HDAC4: variants seen among roughly 807,000 people sequenced by gnomAD.
The protein encoded by HDAC4 is histone deacetylase A.
HDAC4 carries 16 observed loss-of-function variants against 135.1 expected under a neutral mutation model. That is an observed-to-expected ratio of 0.12 (90% CI 0.08 to 0.18). The LOEUF is 0.18. Among genes scored for constraint, HDAC4 ranks in the 10% least tolerant of loss-of-function variants. HDAC4 has a pLI of 1.00. For synonymous variants in HDAC4, 685 were observed against 653.4 expected, an observed-to-expected ratio of 1.05 and a Z score of -0.74; for missense variants, 1,143 against 1,511.8, an observed-to-expected ratio of 0.76 and a Z score of 4.05.
chr2:239,222,399 T>C (rs1184051549), intron 3 of HDAC4, among the ~76,000 whole-genome samples: 1 of 152,326 alleles, frequency 6.6e-6, no homozygotes, highest in East Asian at 1.9e-4. Flanking sequence ...AAAACATCTT[T>C]TGGAAATATT....
rs189040528 is a variant in HDAC4 at position 239,379,548 on chromosome 2, G to A, written c.-220+21430C>T. On this transcript the variant is annotated intron_variant, in intron 1 of 26. Coordinates refer to ENST00000543185, the MANE Select transcript of HDAC4 (RefSeq NM_001378414.1). ...CAGGAGGGGTCTGGCAGGTCCCCTC[G>A]GCCTGAGCTGGCCCAGTGCCCGCCC... Among the ~76,000 whole-genome samples the A allele has an allele frequency of 3.5e-4, 53 of 152,192 alleles. No individual in the cohort carries two copies. In the East Asian group the frequency reaches 8.3e-3, roughly 24 times the overall value.
At chr2:239,119,303 G>T (rs2039417924) in intron 12 of HDAC4, among the ~76,000 whole-genome samples, 1 of 152,200 alleles carries the variant, frequency 6.6e-6, no homozygotes, top group Non-Finnish European at 1.5e-5. Flanking sequence ...CAATGCCCTG[G>T]ATGAGGAGCA....
At chr2:239,118,718 T>C (rs971920401) in intron 12 of HDAC4, among the ~76,000 whole-genome samples, 1 of 152,130 alleles carries the variant, frequency 6.6e-6, no homozygotes, top group Non-Finnish European at 1.5e-5. Context: ...TGTAAATACA[T>C]GCGACTGTTT....
At chr2:239,126,898 G>C (rs2040227387) in intron 11 of HDAC4, among the ~76,000 whole-genome samples, 3 of 152,228 alleles carry the variant, frequency 2.0e-5, no homozygotes, top group African/African-American at 7.2e-5. Context: ...GGGACTATAG[G>C]AACCATAATT....
intron 24 of HDAC4, among the ~76,000 whole-genome samples, chr2:239,063,614 C>T (rs968645177): frequency 6.6e-6 from 1 of 152,206 alleles, no homozygotes; most frequent in Non-Finnish European, 1.5e-5. Flanking sequence ...AACAGACCAC[C>T]TCAGGCCTGG....
chr2:239,352,941 G>C lies in HDAC4; in HGVS notation c.-219-23C>G. On this transcript the variant is annotated intron_variant, in intron 1 of 26. Coordinates refer to ENST00000543185, the MANE Select transcript of HDAC4 (RefSeq NM_001378414.1). The surrounding 1 kb of genome is among the most constrained non-coding windows in gnomAD (Gnocchi z 4.4). ...AACCTGCAAGGTCAGAAGGAGAAAAGAGACTGGAGTTACAACATGGAAGTT... is the reference window on the plus strand; with the variant it reads ...AACCTGCAAGGTCAGAAGGAGAAAACAGACTGGAGTTACAACATGGAAGTT... 1.8e-6 allele frequency: 1 copy of C among 551,328 alleles called. No homozygotes were observed. Among genetic ancestry groups the C allele is most frequent in the Admixed American group, 3.1e-5 (1 of 32,744 alleles). The allele number at this position is 551,328 out of a possible 1,614,324, so 34.2% of individuals were successfully genotyped here.
rs574076059 is a variant in HDAC4 at position 239,140,513 on chromosome 2, G to A, written c.866-717C>T. 1.6e-4 allele frequency among the ~76,000 whole-genome samples: 24 copies of A among 152,288 alleles called. No homozygotes were observed. The South Asian group carries it at 3.5e-3, about 22-fold the overall frequency. ...ACCGTGGGAGGCCGCTGAGGCTCTC[G>A]ATATTCACACAAGGATTTGTTTGGC... is the stretch of plus-strand genomic sequence containing the variant. On this transcript the variant is annotated intron_variant, in intron 8 of 26. Transcript: ENST00000543185.
intron 4 of HDAC4, among the ~76,000 whole-genome samples, 154 bp from the exon 5 acceptor site, chr2:239,176,717 CA>C (rs1266086801): frequency 6.6e-6 from 1 of 151,994 alleles, no homozygotes; most frequent in East Asian, 1.9e-4. Flanking sequence ...TATTTCAGTC[CA>C]AAAAAAGAAG....
intron 5 of HDAC4, among the ~76,000 whole-genome samples, chr2:239,166,819 G>A (rs977336946): frequency 1.3e-5 from 2 of 152,206 alleles, no homozygotes; most frequent in African/African-American, 2.4e-5. Context: ...CACAGAAGGC[G>A]AATTTCAAAA....
At position 239,299,556 on chromosome 2, in the gene HDAC4, C is replaced by T. The variant is rs555961865; in HGVS notation, c.22+53122G>A. ...ACTGTACAACGGGAGGGCAGCGACA[C>T]GTGCTTATTTGTATTAATGTTTAAC... is the stretch of plus-strand genomic sequence containing the variant. On this transcript the variant is annotated intron_variant, in intron 2 of 26. Coordinates refer to ENST00000543185, the MANE Select transcript of HDAC4 (RefSeq NM_001378414.1). This position sits in a 1 kb window ranked among gnomAD's most constrained non-coding sequence, Gnocchi z 4.0. Among the ~76,000 whole-genome samples, 2 of 152,322 alleles carry T rather than the reference C, an allele frequency of 1.3e-5. No homozygotes were observed. The highest frequency in any genetic ancestry group is 2.9e-5 in the Non-Finnish European group (2 of 68,026).
intron 1 of HDAC4, among the ~76,000 whole-genome samples, chr2:239,390,637 G>A (rs1391517998): frequency 2.0e-5 from 3 of 152,108 alleles, no homozygotes; most frequent in Non-Finnish European, 2.9e-5. Context: ...GAGGAGCTGT[G>A]CCCACAGGGG....
chr2:239,246,822 GA>G lies in HDAC4; in HGVS notation c.23-10159del, dbSNP rs1559279842. On this transcript the variant is annotated intron_variant, in intron 2 of 26. Coordinates refer to ENST00000543185, the MANE Select transcript of HDAC4 (RefSeq NM_001378414.1). ...GGAGAAAATGTCCTCGCCTGCCTTT[GA>G]AAACAGCACCATCTCTGCTCCTGAG... Among the ~76,000 whole-genome samples, 4 of 152,354 alleles carry G rather than the reference GA, an allele frequency of 2.6e-5. No individual in the cohort carries two copies. In the South Asian group the frequency reaches 8.3e-4, roughly 32 times the overall value.
rs1028406189 is a variant in HDAC4, at chr2:239,052,944, G to A, written c.*153C>T. The A allele has an allele frequency of 1.2e-6, 1 of 855,784 alleles. No individual in the cohort carries two copies. The highest frequency in any genetic ancestry group is 2.0e-6 in the Non-Finnish European group (1 of 505,996). The allele number at this position is 855,784 out of a possible 1,614,324, so 53.0% of individuals were successfully genotyped here. A position where few individuals can be genotyped will look rare whatever the true frequency, so the allele number is the denominator to read the frequency against. Reference sequence around the variant, plus strand: ...GTCTCGAGACCTGTGGGCCTGGGCGGCAGAAAGGCTTCCCGTGGCTGTTGC... The same window carrying A: ...GTCTCGAGACCTGTGGGCCTGGGCGACAGAAAGGCTTCCCGTGGCTGTTGC... On this transcript the variant is annotated 3_prime_UTR_variant, in exon 27 of 27. Coordinates refer to ENST00000543185, the MANE Select transcript of HDAC4 (RefSeq NM_001378414.1).
At chr2:239,159,256 CACT>C (rs1432752503) in intron 6 of HDAC4, among the ~76,000 whole-genome samples, 2 of 151,228 alleles carry the variant, frequency 1.3e-5, no homozygotes, top group African/African-American at 2.4e-5. Context: ...CTCGCACCTA[CACT>C]ACTCACACCC....
At chr2:239,183,249 A>C (rs562736253) in intron 4 of HDAC4, among the ~76,000 whole-genome samples, 40 of 152,232 alleles carry the variant, frequency 2.6e-4, no homozygotes, top group Non-Finnish European at 5.6e-4. Flanking sequence ...AGCTGCTTTG[A>C]CTCTGACTTC....
At chr2:239,338,124 G>A (rs1466389219) in intron 2 of HDAC4, among the ~76,000 whole-genome samples, 1 of 152,152 alleles carries the variant, frequency 6.6e-6, no homozygotes, top group Admixed American at 6.5e-5. Context: ...CTCCAGACAA[G>A]CACAGAGAGA....
intron 22 of HDAC4, among the ~76,000 whole-genome samples, chr2:239,070,924 GTTGTTT>G (rs1302860240): frequency 3.1e-5 from 2 of 65,080 alleles, no homozygotes; most frequent in African/African-American, 1.4e-4. Context: ...TGCAGTCTCT[GTTGTTT>G]TTTTTTTTTT....
At chr2:239,181,669 C>A (rs551722530) in intron 4 of HDAC4, among the ~76,000 whole-genome samples, 1 of 152,212 alleles carries the variant, frequency 6.6e-6, no homozygotes, top group Admixed American at 6.5e-5. Flanking sequence ...GAGGGCAGTG[C>A]CCAGGCCAGG....
intron 3 of HDAC4, among the ~76,000 whole-genome samples, chr2:239,202,493 A>T (rs2045816348): frequency 6.6e-6 from 1 of 152,112 alleles, no homozygotes; most frequent in African/African-American, 2.4e-5. Flanking sequence ...GCCTCCATCT[A>T]TCGGGGCGAC....
Sources: allele counts gnomAD v4.1 joint callset (sites outside exome capture counted in the v4.1 genomes callset), GRCh38; gene constraint gnomAD v4.1.1; non-coding constraint Gnocchi (gnomAD v3.1); transcripts MANE v1.5; gene names NCBI Gene and HGNC (gene_info 2026-07-23, HGNC 2026-07-21).